ABHD10: variants seen among roughly 807,000 people sequenced by gnomAD.
ABHD10 encodes palmitoyl-protein thioesterase ABHD10, mitochondrial.
ABHD10 carries 22 observed loss-of-function variants against 33.1 expected under a neutral mutation model. The ratio of observed to expected loss-of-function variants is 0.66; its 90% CI spans 0.47 to 0.95. The LOEUF (loss-of-function observed/expected upper bound fraction) is 0.95. Among genes scored for constraint, ABHD10 ranks in the 40% least tolerant of loss-of-function variants. The pLI, the probability that ABHD10 is intolerant of heterozygous loss-of-function variation, is 0.00. For synonymous variants in ABHD10, 146 were observed against 133.9 expected (o/e 1.09, Z -0.62); for missense variants, 352 against 379.9 (o/e 0.93, Z 0.61).
In ABHD10 at chr3:111,980,050, A is replaced by G. The variant is rs111812428; in HGVS notation, c.142+847A>G. Among the ~76,000 whole-genome samples the G allele has an allele frequency of 8.1e-3, 1,239 of 152,366 alleles. 14 individuals are homozygous for G. The highest frequency in any genetic ancestry group is 0.037 in the South Asian group (181 of 4,830). Reference sequence around the variant, plus strand: ...TATAATATTATTTCATCTAGTTAGCACTTATTCATTGAGCACTTATGCACC... The same window carrying G: ...TATAATATTATTTCATCTAGTTAGCGCTTATTCATTGAGCACTTATGCACC... On this transcript the variant is annotated intron_variant, in intron 1 of 4. Coordinates refer to ENST00000273359, the MANE Select transcript of ABHD10 (RefSeq NM_018394.4).
rs2072749957 is a variant in ABHD10 at position 111,992,226 on chromosome 3, G to T, written c.*505G>T. On this transcript the variant is annotated 3_prime_UTR_variant, in exon 5 of 5. Coordinates refer to ENST00000273359, the MANE Select transcript of ABHD10 (RefSeq NM_018394.4). Reference sequence around the variant, plus strand: ...GATAATACTTTATATAATGTATAAAGTATATATAATATAATATATATGTTA... The same window carrying T: ...GATAATACTTTATATAATGTATAAATTATATATAATATAATATATATGTTA... The T allele has an allele frequency of 3.0e-5, 4 of 133,942 alleles. No homozygotes were observed. The highest frequency in any genetic ancestry group is 1.1e-4 in the African/African-American group (4 of 36,820). 8.3% of individuals were successfully genotyped at this position (133,942 alleles called of 1,614,324 possible). A position where few individuals can be genotyped will look rare whatever the true frequency, so the allele number is the denominator to read the frequency against.
chr3:111,987,496 G>A (rs1396377051), intron 4 of ABHD10, among the ~76,000 whole-genome samples: 1 of 151,992 alleles, frequency 6.6e-6, no homozygotes, highest in Non-Finnish European at 1.5e-5. Context: ...TATCTGAAGG[G>A]GATTGCTTCC....
chr3:111,990,062 G>A (rs1347481258), intron 4 of ABHD10, among the ~76,000 whole-genome samples: 1 of 151,620 alleles, frequency 6.6e-6, no homozygotes, highest in Non-Finnish European at 1.5e-5. Flanking sequence ...TTCTAGAAAT[G>A]CCCTTAATAT....
intron 4 of ABHD10, among the ~76,000 whole-genome samples, chr3:111,987,355 C>T (rs2072680975): frequency 6.6e-6 from 1 of 152,010 alleles, no homozygotes; most frequent in African/African-American, 2.4e-5. Flanking sequence ...TTTATTATTA[C>T]ATTTACTTAT....
chr3:111,993,057 A>G lies in ABHD10; in HGVS notation c.*1336A>G, dbSNP rs2072762698. 6.6e-6 allele frequency: 1 copy of G among 152,162 alleles called. No individual in the cohort carries two copies. Among genetic ancestry groups the G allele is most frequent in the Admixed American group, 6.6e-5 (1 of 15,264 alleles). The allele number at this position is 152,162 out of a possible 1,614,324, so 9.4% of individuals were successfully genotyped here. On this transcript the variant is annotated 3_prime_UTR_variant, in exon 5 of 5. Transcript: ENST00000273359. ...CTGTAAAACAATATAGTTTCTCCTG[A>G]ACACCTGCTTTCCTTCTGGGAGTCT...
intron 2 of ABHD10, among the ~76,000 whole-genome samples, chr3:111,984,973 A>G (rs1283867774): frequency 6.6e-6 from 1 of 152,266 alleles, no homozygotes; most frequent in Non-Finnish European, 1.5e-5. Context: ...TAAGGAACTG[A>G]CATTCTAGTC....
At position 111,993,176 on chromosome 3, in the gene ABHD10, AC is replaced by A. The variant is rs1457379113; in HGVS notation, c.*1456del. On this transcript the variant is annotated 3_prime_UTR_variant, in exon 5 of 5. Coordinates refer to ENST00000273359, the MANE Select transcript of ABHD10 (RefSeq NM_018394.4). The stretch of plus-strand genomic sequence containing the variant: ...AGTCTCTAACAAGCTTTTCTGGTTG[AC>A]AGTGTTTCACAAGTGCTGTTACAAC... 1.3e-5 allele frequency: 2 copies of A among 152,198 alleles called. No homozygotes were observed. Among genetic ancestry groups the A allele is most frequent in the Non-Finnish European group, 2.9e-5 (2 of 68,034 alleles). 9.4% of individuals were successfully genotyped at this position (152,198 alleles called of 1,614,324 possible).
chr3:111,986,382 GT>G lies in ABHD10; in HGVS notation c.438+11del. The G allele has an allele frequency of 6.5e-7, 1 of 1,549,254 alleles. No homozygotes were observed. The highest frequency in any genetic ancestry group is 8.9e-7 in the Non-Finnish European group (1 of 1,123,678). On this transcript the variant is annotated splice_region_variant and intron_variant, in intron 3 of 4. Transcript: ENST00000273359. ...CTTAGCTGATGGGCCACAGGTGACT[GT>G]TTTGTTAAGTATGATGATAATTACT...
At chr3:111,990,761 T>C in intron 4 of ABHD10, 2 of 1,303,852 alleles carry the variant, frequency 1.5e-6, no homozygotes, top group Non-Finnish European at 2.0e-6. Context: ...AGTATGTGTA[T>C]GATTGTTACA....
rs750131814 is a variant in ABHD10, at chr3:111,986,224, T to C, written c.327-40T>C. 1.6e-5 allele frequency: 18 copies of C among 1,119,920 alleles called. No individual in the cohort carries two copies. The East Asian group carries it at 3.9e-4, about 24-fold the overall frequency. The allele number at this position is 1,119,920 out of a possible 1,614,324, so 69.4% of individuals were successfully genotyped here. A position where few individuals can be genotyped will look rare whatever the true frequency, so the allele number is the denominator to read the frequency against. ...TTCTTAAAAATTAAAGAAGCAGATA[T>C]ATAGATATTTAGATATAGATTTTTT... On this transcript the variant is annotated intron_variant, in intron 2 of 4. Transcript: ENST00000273359.
chr3:111,980,034 A>G (rs2107708070), intron 1 of ABHD10, among the ~76,000 whole-genome samples: 1 of 152,356 alleles, frequency 6.6e-6, no homozygotes, highest in South Asian at 2.1e-4. Context: ...GTATAATATT[A>G]TTTCATCTAG....
At position 111,993,162 on chromosome 3, in the gene ABHD10, A is replaced by G. The variant is rs996600174; in HGVS notation, c.*1441A>G. Reference sequence around the variant, plus strand: ...AACCCCAGGCACTCAGTCTCTAACAAGCTTTTCTGGTTGACAGTGTTTCAC... The same window carrying G: ...AACCCCAGGCACTCAGTCTCTAACAGGCTTTTCTGGTTGACAGTGTTTCAC... On this transcript the variant is annotated 3_prime_UTR_variant, in exon 5 of 5. Coordinates refer to ENST00000273359, the MANE Select transcript of ABHD10 (RefSeq NM_018394.4). 1.3e-5 allele frequency: 2 copies of G among 152,150 alleles called. No homozygotes were observed. The highest frequency in any genetic ancestry group is 2.9e-5 in the Non-Finnish European group (2 of 68,036). 9.4% of individuals were successfully genotyped at this position (152,150 alleles called of 1,614,324 possible). A position where few individuals can be genotyped will look rare whatever the true frequency, so the allele number is the denominator to read the frequency against.
intron 4 of ABHD10, among the ~76,000 whole-genome samples, chr3:111,990,363 A>G (rs1408174981): frequency 6.6e-6 from 1 of 152,048 alleles, no homozygotes; most frequent in African/African-American, 2.4e-5. Flanking sequence ...TTTACATATT[A>G]CACAAAAACC....
chr3:111,979,220 C>T lies in ABHD10; in HGVS notation c.142+17C>T. On this transcript the variant is annotated intron_variant, in intron 1 of 4. Coordinates refer to ENST00000273359, the MANE Select transcript of ABHD10 (RefSeq NM_018394.4). ...GGCTCCCAGGTCAGTGTCCGAAAGG[C>T]GGGAGTAGGATGCGTTCTTTCGAAC... The T allele has an allele frequency of 1.3e-6, 2 of 1,586,340 alleles. No homozygotes were observed. Among genetic ancestry groups the T allele is most frequent in the African/African-American group, 1.3e-5 (1 of 74,360 alleles).
In ABHD10 at chr3:111,981,830, T is replaced by C; in HGVS notation, c.189T>C (p.Leu63=). Residue 63 remains leucine, a synonymous_variant, in exon 2 of 5, where the codon CTT becomes CTC. Transcript: ENST00000273359. ...TSLSFLNRPD[L]PNLAYKKLKG... The stretch of plus-strand genomic sequence containing the variant: ...TCTCATTCCTTAATCGACCAGACCT[T>C]CCAAACCTGGCTTATAAGAAGCTAA... The C allele has an allele frequency of 6.2e-7, 1 of 1,602,668 alleles. No individual in the cohort carries two copies. The highest frequency in any genetic ancestry group is 8.5e-7 in the Non-Finnish European group (1 of 1,171,800).
intron 1 of ABHD10, among the ~76,000 whole-genome samples, chr3:111,980,554 A>G (rs1157808865): frequency 1.3e-5 from 2 of 152,226 alleles, no homozygotes; most frequent in Non-Finnish European, 2.9e-5. Context: ...TGGAAAGAAG[A>G]GGTGGGATTA....
intron 1 of ABHD10, 42 bp downstream of exon 1, chr3:111,979,245 C>G: frequency 1.3e-6 from 2 of 1,561,000 alleles, no homozygotes; most frequent in Non-Finnish European, 1.7e-6. Flanking sequence ...TTCTTTCGAA[C>G]GCCTCGGGTT....
chr3:111,981,311 C>CAAAAAAAAAA (rs11301143), intron 1 of ABHD10, among the ~76,000 whole-genome samples: 1 of 91,218 alleles, frequency 1.1e-5, no homozygotes, highest in Non-Finnish European at 2.1e-5. Flanking sequence ...GACCCTGTCT[C>CAAAAAAAAAA]AAAAAAAAAA....
rs1011515229 is a variant in ABHD10, at chr3:111,991,857, G to A, written c.*136G>A. 3.0e-6 allele frequency: 2 copies of A among 661,126 alleles called. No individual in the cohort carries two copies. Among genetic ancestry groups the A allele is most frequent in the East Asian group, 3.3e-5 (1 of 30,570 alleles). The allele number at this position is 661,126 out of a possible 1,614,324, so 41.0% of individuals were successfully genotyped here. Reference sequence around the variant, plus strand: ...TATAAGATGAGTATTATTTAATGATGTATTTGCATAAGTAATGCAAATTGT... The same window carrying A: ...TATAAGATGAGTATTATTTAATGATATATTTGCATAAGTAATGCAAATTGT... On this transcript the variant is annotated 3_prime_UTR_variant, in exon 5 of 5. Coordinates refer to ENST00000273359, the MANE Select transcript of ABHD10 (RefSeq NM_018394.4).
Sources: gnomAD v4.1 joint callset for allele counts (sites outside exome capture counted in the v4.1 genomes callset) on GRCh38, gnomAD v4.1.1 for gene constraint, MANE v1.5 for transcripts, NCBI Gene and HGNC (gene_info 2026-07-23, HGNC 2026-07-21) for gene names.